CD99L2: variants seen among roughly 807,000 people sequenced by gnomAD.
The protein encoded by CD99L2 is CD99 molecule like 2, also known as CD99 antigen-like protein 2.
In CD99L2, 24 loss-of-function variants were observed where a neutral mutation model predicts 27.3. The observed-to-expected ratio is 0.88, with a 90% confidence interval of 0.64 to 1.24. The LOEUF is 1.24. Among genes scored for constraint, CD99L2 ranks in the 50% most tolerant of loss-of-function variants. CD99L2 has a pLI of 0.00. For synonymous variants in CD99L2, 97 were observed against 87.9 expected (o/e 1.10, Z -0.58); for missense variants, 255 against 221.6 (o/e 1.15, Z -0.96).
chrX:150,886,812 A>G (rs1346776225), intron 1 of CD99L2, among the ~76,000 whole-genome samples: 1 of 111,454 alleles, frequency 9.0e-6, no homozygotes, highest in Non-Finnish European at 1.9e-5. Flanking sequence ...TTGCAGAACA[A>G]TTATCTGGTC....
At position 150,846,356 on chromosome X, in the gene CD99L2, C is replaced by A. The variant is rs1381997149; in HGVS notation, c.68-15063G>T. The stretch of plus-strand genomic sequence containing the variant: ...CACATGAGGATATCGGCACTGGTGA[C>A]CAGCTTTGGAGCCAAACAGGCAGGA... On this transcript the variant is annotated intron_variant, in intron 1 of 10. Transcript: ENST00000370377. Among the ~76,000 whole-genome samples, 8 of 111,517 alleles carry A rather than the reference C, an allele frequency of 7.2e-5. No individual in the cohort carries two copies. The East Asian group carries it at 1.7e-3, about 24-fold the overall frequency.
At chrX:150,777,221 T>C (rs1323082694) in intron 8 of CD99L2, 1 of 441,407 alleles carries the variant, frequency 2.3e-6, no homozygotes, top group Non-Finnish European at 3.9e-6. Context: ...TGTTTTAGGG[T>C]AAAGATATTG....
At chrX:150,800,885 G>A (rs1828676239) in intron 4 of CD99L2, among the ~76,000 whole-genome samples, 2 of 109,996 alleles carry the variant, frequency 1.8e-5, no homozygotes, top group African/African-American at 6.6e-5. Context: ...TATAAAATAA[G>A]CCGGGTGTGG....
intron 2 of CD99L2, 94 bp downstream of exon 2, chrX:150,831,137 A>G: frequency 1.3e-6 from 1 of 746,781 alleles, no homozygotes; most frequent in Non-Finnish European, 2.0e-6. Flanking sequence ...GATCAAGTAA[A>G]ATATATCATT....
chrX:150,879,871 G>A (rs1478481525), intron 1 of CD99L2, among the ~76,000 whole-genome samples: 1 of 93,672 alleles, frequency 1.1e-5, no homozygotes, highest in Admixed American at 1.2e-4. Flanking sequence ...GCTGCAGTGA[G>A]CCTTGTTGGT....
Position 150,801,587 on chromosome X carries a change from G to C in CD99L2, c.278-6101C>G, listed in dbSNP as rs577606691. On this transcript the variant is annotated intron_variant, in intron 4 of 10. Transcript: ENST00000370377. ...ACAATTCGAGATGAGATTTGGATGG[G>C]GACACAGAGCCAAACCAGATCAAGA... 5.0e-4 allele frequency among the ~76,000 whole-genome samples: 55 copies of C among 110,146 alleles called. No homozygotes were observed. In the Admixed American group the frequency reaches 5.3e-3, roughly 11 times the overall value.
At chrX:150,844,270 T>C (rs1377159303) in intron 1 of CD99L2, among the ~76,000 whole-genome samples, 4 of 112,519 alleles carry the variant, frequency 3.6e-5, no homozygotes, top group Non-Finnish European at 7.5e-5. Flanking sequence ...AAGGAAAGCC[T>C]GCAGGTCAGA....
At chrX:150,856,959 A>G (rs1050766669) in intron 1 of CD99L2, among the ~76,000 whole-genome samples, 5 of 111,520 alleles carry the variant, frequency 4.5e-5, no homozygotes, top group Admixed American at 9.6e-5. Context: ...GAATTCATTG[A>G]AAGAATGACA....
intron 1 of CD99L2, among the ~76,000 whole-genome samples, chrX:150,848,119 C>A (rs919233765): frequency 1.9e-5 from 2 of 107,339 alleles, no homozygotes; most frequent in Admixed American, 2.0e-4. Flanking sequence ...AGGCCCCCCC[C>A]CCCTTGTACT....
At chrX:150,891,082 T>C in intron 1 of CD99L2, among the ~76,000 whole-genome samples, 1 of 112,989 alleles carries the variant, frequency 8.9e-6, no homozygotes, top group Admixed American at 9.3e-5. Flanking sequence ...ATTCTAGGGA[T>C]TGATTTTAAA....
At chrX:150,838,716 C>T (rs374342604) in intron 1 of CD99L2, among the ~76,000 whole-genome samples, 1 of 98,688 alleles carries the variant, frequency 1.0e-5, no homozygotes, top group African/African-American at 3.7e-5. Flanking sequence ...AAATAGAAAA[C>T]AAACTTTTTG....
Position 150,883,220 on chromosome X carries a change from C to A in CD99L2, c.67+15302G>T, listed in dbSNP as rs113167140. Among the ~76,000 whole-genome samples the A allele has an allele frequency of 3.6e-3, 395 of 110,928 alleles. 2 individuals are homozygous for A. The highest frequency in any genetic ancestry group is 0.012 in the African/African-American group (372 of 30,521). ...CAAAAACAAAAACAAAACAAACAAA[C>A]AAAAAAAACCATGACAACCCATAAA... On this transcript the variant is annotated intron_variant, in intron 1 of 10. Coordinates refer to ENST00000370377, the MANE Select transcript of CD99L2 (RefSeq NM_031462.4).
chrX:150,817,414 A>T (rs905932048), intron 2 of CD99L2, among the ~76,000 whole-genome samples: 7 of 110,938 alleles, frequency 6.3e-5, no homozygotes, highest in African/African-American at 2.3e-4. Flanking sequence ...AAATAAAAAA[A>T]AATAAGTGTG....
chrX:150,836,254 AGG>A (rs1490610567), intron 1 of CD99L2, among the ~76,000 whole-genome samples: 5 of 111,754 alleles, frequency 4.5e-5, no homozygotes, highest in Non-Finnish European at 7.5e-5. Flanking sequence ...TCAGAGAGAG[AGG>A]TTACAGATAA....
chrX:150,846,423 C>T (rs1288683694), intron 1 of CD99L2, among the ~76,000 whole-genome samples: 2 of 110,482 alleles, frequency 1.8e-5, no homozygotes, highest in South Asian at 3.9e-4. Flanking sequence ...AGACACCTTG[C>T]GCAAGGGACT....
chrX:150,768,752 G>A lies in CD99L2; in HGVS notation c.*282C>T. Reference sequence around the variant, plus strand: ...CCGCATCCTGTGCTCAGTAAAGCTGGAGGCAGGCTGGCTTTGGGAGTTGGT... The same window carrying A: ...CCGCATCCTGTGCTCAGTAAAGCTGAAGGCAGGCTGGCTTTGGGAGTTGGT... On this transcript the variant is annotated 3_prime_UTR_variant, in exon 11 of 11. Coordinates refer to ENST00000370377, the MANE Select transcript of CD99L2 (RefSeq NM_031462.4). The A allele has an allele frequency of 7.2e-6, 3 of 413,985 alleles. No individual in the cohort carries two copies. The highest frequency in any genetic ancestry group is 1.2e-4 in the Admixed American group (2 of 16,525). 34.1% of individuals were successfully genotyped at this position (413,985 alleles called of 1,213,427 possible).
At chrX:150,878,902 G>C (rs980789199) in intron 1 of CD99L2, among the ~76,000 whole-genome samples, 2 of 111,970 alleles carry the variant, frequency 1.8e-5, no homozygotes, top group Admixed American at 1.9e-4. Context: ...CACTAATGTA[G>C]ACATTTCCTG....
rs868919665 is a variant in CD99L2 at position 150,824,586 on chromosome X, G to A, written c.130+6645C>T. 1.0e-4 allele frequency among the ~76,000 whole-genome samples: 10 copies of A among 97,146 alleles called. No homozygotes were observed. In the East Asian group the frequency reaches 1.3e-3, roughly 12 times the overall value. 84.4% of individuals were successfully genotyped at this position (97,146 alleles called of 115,157 possible). ...GAAGGAGGAGGAGGAGGAGGAGAAG[G>A]AGGAGAAGAAGAAGGAGGAGAAGAA... is the stretch of plus-strand genomic sequence containing the variant. On this transcript the variant is annotated intron_variant, in intron 2 of 10. Transcript: ENST00000370377.
At chrX:150,774,744 G>A (rs781807314) in intron 9 of CD99L2, among the ~76,000 whole-genome samples, 1 of 112,273 alleles carries the variant, frequency 8.9e-6, no homozygotes, top group Admixed American at 9.4e-5. Flanking sequence ...CGACCCTCTC[G>A]CCCAATGTCT....
Sources: gnomAD v4.1 joint callset for allele counts (sites outside exome capture counted in the v4.1 genomes callset) on GRCh38, gnomAD v4.1.1 for gene constraint, MANE v1.5 for transcripts, NCBI Gene and HGNC (gene_info 2026-07-23, HGNC 2026-07-21) for gene names.